LARP6: variants seen among roughly 807,000 people sequenced by gnomAD.
LARP6 encodes the protein la-related protein 6.
LARP6 carries 18 observed loss-of-function variants against 32.8 expected under a neutral mutation model. The observed-to-expected ratio is 0.55, with a 90% CI of 0.38 to 0.81. The LOEUF is 0.81. Ranked by LOEUF, LARP6 falls within the 40% of genes least tolerant of loss-of-function variation. LARP6 has a pLI of 0.00. For synonymous variants in LARP6, 289 were observed against 267.2 expected (o/e 1.08, Z -0.80); for missense variants, 598 against 663.1 (o/e 0.90, Z 1.08).
intron 1 of LARP6, among the ~76,000 whole-genome samples, chr15:70,852,627 C>A (rs79066658): frequency 0.013 from 1,956 of 152,300 alleles, 14 homozygotes; most frequent in Non-Finnish European, 0.02. Flanking sequence ...AAGGGTTCAT[C>A]ATTTTTATGC....
chr15:70,838,215 T>G (rs1331622372), intron 1 of LARP6, among the ~76,000 whole-genome samples: 1 of 152,200 alleles, frequency 6.6e-6, no homozygotes, highest in African/African-American at 2.4e-5. Context: ...CATTGTTTAT[T>G]AGTTAAGTAA....
intron 1 of LARP6, chr15:70,852,343 A>G: frequency 2.2e-6 from 1 of 453,574 alleles, no homozygotes; most frequent in Non-Finnish European, 4.4e-6. Flanking sequence ...CTGGAGGAAG[A>G]GCAAGAGGGG....
At chr15:70,849,878 C>T (rs902458956) in intron 1 of LARP6, 2 of 151,922 alleles carry the variant, frequency 1.3e-5, no homozygotes, top group African/African-American at 4.8e-5. Flanking sequence ...CATTTTTTTG[C>T]CTCTTTAGGA....
intron 1 of LARP6, among the ~76,000 whole-genome samples, chr15:70,848,655 C>T (rs561807447): frequency 6.6e-6 from 1 of 152,158 alleles, no homozygotes; most frequent in South Asian, 2.1e-4. Flanking sequence ...TCACTTGAAC[C>T]TGGGAGGCGG....
rs1353468421 is a variant in LARP6, at chr15:70,836,464, A to G, written c.242T>C (p.Leu81Pro). ...ASGGENERED[L>P]EQEWKPPDEE... The stretch of plus-strand genomic sequence containing the variant: ...ATCCGGGGGCTTCCACTCCTGCTCC[A>G]GGTCCTCACGCTCGTTCTCACCTCC... The change falls in exon 2 of 3, where the codon CTG (leucine) becomes CCG (proline). Residue 81 changes from leucine (L) to proline (P), a missense_variant. Leu to Pro is a moderately conservative substitution (Grantham distance 98). Coordinates refer to ENST00000299213, the MANE Select transcript of LARP6 (RefSeq NM_018357.4). 6.2e-7 allele frequency: 1 copy of G among 1,614,220 alleles called. No individual in the cohort carries two copies. Among genetic ancestry groups the G allele is most frequent in the South Asian group, 1.1e-5 (1 of 91,084 alleles).
chr15:70,843,946 G>A (rs1480932740), intron 1 of LARP6, among the ~76,000 whole-genome samples: 33 of 141,874 alleles, frequency 2.3e-4, no homozygotes, highest in Middle Eastern at 8.8e-3. Context: ...GTGAGCAACC[G>A]CGCCCGACCT....
chr15:70,837,929 C>T (rs907766713), intron 1 of LARP6, among the ~76,000 whole-genome samples: 113 of 152,236 alleles, frequency 7.4e-4, no homozygotes, highest in African/African-American at 2.6e-3. Flanking sequence ...TGTGCATATA[C>T]GTAATGAGAT....
chr15:70,845,712 T>G (rs892758271), intron 1 of LARP6, among the ~76,000 whole-genome samples: 2 of 152,240 alleles, frequency 1.3e-5, no homozygotes, highest in Non-Finnish European at 2.9e-5. Flanking sequence ...AGGTACATGC[T>G]GCTTTTTCTT....
At chr15:70,851,720 C>T in intron 1 of LARP6, 1 of 1,614,080 alleles carries the variant, frequency 6.2e-7, no homozygotes. Context: ...AGCTCCTATT[C>T]CTGTGAGGGA....
At chr15:70,838,135 G>A (rs902749073) in intron 1 of LARP6, among the ~76,000 whole-genome samples, 4 of 151,954 alleles carry the variant, frequency 2.6e-5, no homozygotes, top group African/African-American at 9.7e-5. Flanking sequence ...TCATGGTGGC[G>A]CTCAAAATGT....
chr15:70,836,535 G>A (rs1335498025), intron 1 of LARP6, 30 bp from the exon 2 acceptor site: 10 of 1,586,498 alleles, frequency 6.3e-6, no homozygotes, highest in Non-Finnish European at 8.7e-6. Context: ...CCGGGTGTTA[G>A]GGTCAACGTT....
At chr15:70,840,735 T>G (rs1213649567) in intron 1 of LARP6, among the ~76,000 whole-genome samples, 2 of 152,084 alleles carry the variant, frequency 1.3e-5, no homozygotes, top group Non-Finnish European at 2.9e-5. Context: ...TCTAACTTAC[T>G]ACAAATAGCT....
chr15:70,846,396 G>T (rs1414353456), intron 1 of LARP6, among the ~76,000 whole-genome samples: 1 of 152,154 alleles, frequency 6.6e-6, no homozygotes, highest in Non-Finnish European at 1.5e-5. Context: ...GTCATTTGAG[G>T]CCAGGAGTTC....
chr15:70,845,818 G>C (rs1198166682), intron 1 of LARP6, among the ~76,000 whole-genome samples: 2 of 152,348 alleles, frequency 1.3e-5, no homozygotes, highest in South Asian at 2.1e-4. Context: ...CAAGTGGCAG[G>C]CTTCACATGA....
intron 1 of LARP6, among the ~76,000 whole-genome samples, chr15:70,836,864 A>C (rs2032157875): frequency 6.6e-6 from 1 of 152,208 alleles, no homozygotes; most frequent in Non-Finnish European, 1.5e-5. Context: ...TAGTACTTTC[A>C]GAGGGCGCAT....
intron 1 of LARP6, among the ~76,000 whole-genome samples, chr15:70,840,785 TG>T (rs987569472): frequency 9.9e-5 from 15 of 152,154 alleles, no homozygotes; most frequent in African/African-American, 3.6e-4. Context: ...GGGACCCCTG[TG>T]GGGTCCTACT....
At chr15:70,847,243 T>C (rs993488052) in intron 1 of LARP6, among the ~76,000 whole-genome samples, 2 of 152,238 alleles carry the variant, frequency 1.3e-5, no homozygotes, top group Non-Finnish European at 1.5e-5. Flanking sequence ...TTTGTTTTGT[T>C]TTTTAACAAA....
intron 1 of LARP6, among the ~76,000 whole-genome samples, chr15:70,841,653 C>A (rs2032261254): frequency 6.6e-6 from 1 of 152,100 alleles, no homozygotes; most frequent in Non-Finnish European, 1.5e-5. Context: ...AAGACCTGGT[C>A]ATTTAAAAGT....
Position 70,829,863 on chromosome 15 carries a change from G to C in LARP6, c.*2189C>G, listed in dbSNP as rs1412735629. 3 of 152,260 alleles carry C rather than the reference G, an allele frequency of 2.0e-5. No homozygotes were observed. The highest frequency in any genetic ancestry group is 2.9e-5 in the Non-Finnish European group (2 of 68,044). 9.4% of individuals were successfully genotyped at this position (152,260 alleles called of 1,614,324 possible). ...TTTAAAAGTAACTATGATCCACGAG[G>C]GTTAATCTAAAAATAGAGCTGTGAC... is the stretch of plus-strand genomic sequence containing the variant. On this transcript the variant is annotated 3_prime_UTR_variant, in exon 3 of 3. Transcript: ENST00000299213.
Sources: gnomAD v4.1 joint callset for allele counts (sites outside exome capture counted in the v4.1 genomes callset) on GRCh38, gnomAD v4.1.1 for gene constraint, MANE v1.5 for transcripts, NCBI Gene and HGNC (gene_info 2026-07-23, HGNC 2026-07-21) for gene names.